CCDC91: variants seen among roughly 807,000 people sequenced by gnomAD.
CCDC91 encodes coiled-coil domain containing 91.
Under a neutral mutation model 63.2 loss-of-function variants are expected in CCDC91, and 48 were observed. The ratio of observed to expected loss-of-function variants is 0.76; its 90% confidence interval spans 0.60 to 0.97. The LOEUF is 0.97. Among genes scored for constraint, CCDC91 ranks in the 50% least tolerant of loss-of-function variants. CCDC91 has a pLI of 0.00. For synonymous variants in CCDC91, 167 were observed against 165.8 expected (o/e 1.01, Z -0.06); for missense variants, 500 against 494.6 (o/e 1.01, Z -0.10).
At position 28,307,778 on chromosome 12, in the gene CCDC91, T is replaced by C. The variant is rs755478489; in HGVS notation, c.576+29T>C. 2.8e-5 allele frequency: 33 copies of C among 1,189,136 alleles called. No homozygotes were observed. The South Asian group carries it at 4.3e-4, about 16-fold the overall frequency. The allele number at this position is 1,189,136 out of a possible 1,614,324, so 73.7% of individuals were successfully genotyped here. On this transcript the variant is annotated intron_variant, in intron 6 of 12. Transcript: ENST00000536442. ...AGGCGATTGAACTTAAGATTTAAAA[T>C]GTAAGCCTTTTGATGAAGCATGTGC...
chr12:28,532,794 T>A (rs772201105), intron 12 of CCDC91, among the ~76,000 whole-genome samples: 4 of 152,094 alleles, frequency 2.6e-5, no homozygotes, highest in Non-Finnish European at 4.4e-5. Context: ...GACCACTGAA[T>A]TAAATCAATT....
At chr12:28,290,643 C>G (rs1305681159) in intron 3 of CCDC91, among the ~76,000 whole-genome samples, 1 of 151,928 alleles carries the variant, frequency 6.6e-6, no homozygotes, top group Non-Finnish European at 1.5e-5. Context: ...AGTGGCTGGT[C>G]CAAATAAAGC....
intron 8 of CCDC91, among the ~76,000 whole-genome samples, chr12:28,441,773 C>T (rs1012585178): frequency 6.7e-6 from 1 of 149,134 alleles, no homozygotes; most frequent in Non-Finnish European, 1.5e-5. Flanking sequence ...TATGTGTATG[C>T]ATGTGATATA....
At chr12:28,339,528 G>T (rs2137930450) in intron 6 of CCDC91, among the ~76,000 whole-genome samples, 1 of 148,334 alleles carries the variant, frequency 6.7e-6, no homozygotes, top group African/African-American at 2.5e-5. Context: ...AAAATATTTG[G>T]GAAAAAAAAA....
intron 11 of CCDC91, among the ~76,000 whole-genome samples, chr12:28,468,641 A>G (rs1394230925): frequency 1.3e-5 from 2 of 152,022 alleles, no homozygotes; most frequent in African/African-American, 4.8e-5. Context: ...CACCAAAAGA[A>G]AGAAAACTAC....
At chr12:28,398,686 T>C (rs1446160210) in intron 8 of CCDC91, among the ~76,000 whole-genome samples, 1 of 152,224 alleles carries the variant, frequency 6.6e-6, no homozygotes, top group African/African-American at 2.4e-5. Context: ...ATTGTCCATC[T>C]TTTTCACTTT....
chr12:28,251,235 A>G (rs2136096629), intron 1 of CCDC91, among the ~76,000 whole-genome samples: 2 of 152,026 alleles, frequency 1.3e-5, no homozygotes, highest in African/African-American at 2.4e-5. Flanking sequence ...GTCTCTTGAG[A>G]TTTTATTTTT....
intron 7 of CCDC91, among the ~76,000 whole-genome samples, chr12:28,381,705 G>C (rs1029001589): frequency 6.6e-6 from 1 of 152,086 alleles, no homozygotes; most frequent in Non-Finnish European, 1.5e-5. Flanking sequence ...TATTCATGTA[G>C]CCAATTTTTT....
intron 6 of CCDC91, among the ~76,000 whole-genome samples, chr12:28,335,416 A>C (rs942822595): frequency 2.8e-5 from 4 of 141,456 alleles, no homozygotes; most frequent in Non-Finnish European, 4.6e-5. Context: ...AATATATAAA[A>C]ATACATATAT....
chr12:28,269,427 G>A (rs951631341), intron 3 of CCDC91, among the ~76,000 whole-genome samples: 2 of 152,002 alleles, frequency 1.3e-5, no homozygotes, highest in African/African-American at 4.8e-5. Flanking sequence ...TCAAACCAGG[G>A]ATGTTTTCAG....
intron 8 of CCDC91, among the ~76,000 whole-genome samples, chr12:28,438,094 A>G (rs1949003233): frequency 6.6e-6 from 1 of 152,102 alleles, no homozygotes; most frequent in South Asian, 2.1e-4. Flanking sequence ...CAAAAGTACT[A>G]TGTTAATTGT....
At chr12:28,228,482 A>G (rs920335146) in intron 1 of CCDC91, among the ~76,000 whole-genome samples, 23 of 152,094 alleles carry the variant, frequency 1.5e-4, no homozygotes, top group African/African-American at 5.6e-4. Context: ...TGTTGCATAG[A>G]TTACCTCACG....
chr12:28,520,891 G>A (rs1363974075), intron 12 of CCDC91, among the ~76,000 whole-genome samples: 1 of 152,046 alleles, frequency 6.6e-6, no homozygotes, highest in Non-Finnish European at 1.5e-5. Flanking sequence ...TAGATGTGTG[G>A]TATTATTTCT....
In CCDC91 at chr12:28,375,298, A is replaced by T. The variant is rs567968170; in HGVS notation, c.654+12783A>T. Among the ~76,000 whole-genome samples the T allele has an allele frequency of 1.3e-5, 2 of 152,094 alleles. 1 individual carries two copies. The highest frequency in any genetic ancestry group is 4.8e-5 in the African/African-American group (2 of 41,550). ...TATTATCATTATCATTTCTATATGTAACATGTCAGATTTTTTTAGTGTAGC... is the reference window on the plus strand; with the variant it reads ...TATTATCATTATCATTTCTATATGTTACATGTCAGATTTTTTTAGTGTAGC... On this transcript the variant is annotated intron_variant, in intron 7 of 12. Coordinates refer to ENST00000536442, the MANE Select transcript of CCDC91 (RefSeq NM_018318.5).
rs1952068031 is a variant in CCDC91, at chr12:28,492,528, ATCAC to A, written c.1215+8364_1215+8367del. Reference sequence around the variant, plus strand: ...TTTGATCCAGTGCTTTTTCTACTATATCACACCAGTGGCCCTTGTCAACTTCCTG... The same window carrying A: ...TTTGATCCAGTGCTTTTTCTACTATAACCAGTGGCCCTTGTCAACTTCCTG... On this transcript the variant is annotated intron_variant, in intron 12 of 12. Transcript: ENST00000536442. 2.6e-5 allele frequency among the ~76,000 whole-genome samples: 4 copies of A among 151,724 alleles called. No homozygotes were observed. The South Asian group carries it at 8.3e-4, about 32-fold the overall frequency.
intron 12 of CCDC91, among the ~76,000 whole-genome samples, chr12:28,513,639 T>G (rs1304094841): frequency 1.3e-5 from 2 of 151,850 alleles, no homozygotes; most frequent in African/African-American, 4.8e-5. Context: ...CTCATATGCA[T>G]GAAAGTAAGA....
chr12:28,254,108 T>C (rs1946291189), intron 1 of CCDC91, among the ~76,000 whole-genome samples: 1 of 152,216 alleles, frequency 6.6e-6, no homozygotes, highest in African/African-American at 2.4e-5. Context: ...ATTTTTAGAA[T>C]ATCAGCAGTG....
chr12:28,431,621 C>T (rs542363710), intron 8 of CCDC91, among the ~76,000 whole-genome samples: 11 of 152,070 alleles, frequency 7.2e-5, no homozygotes, highest in South Asian at 4.2e-4. Flanking sequence ...TTTTGTTCTT[C>T]GCAGCATCCT....
intron 8 of CCDC91, among the ~76,000 whole-genome samples, chr12:28,422,827 C>T (rs115511884): frequency 1.8e-3 from 276 of 152,090 alleles, no homozygotes; most frequent in African/African-American, 6.5e-3. Context: ...GTTCACATTA[C>T]GAAAACCAGG....
Sources: allele counts gnomAD v4.1 joint callset (sites outside exome capture counted in the v4.1 genomes callset), GRCh38; gene constraint gnomAD v4.1.1; transcripts MANE v1.5; gene names NCBI Gene and HGNC (gene_info 2026-07-23, HGNC 2026-07-21).